The following MYO16 variants were observed in gnomAD, a reference collection of about 807,000 sequenced individuals.
MYO16 encodes the protein myosin XVI, also known as unconventional myosin-XVI.
In MYO16, 94 loss-of-function variants were observed where a neutral mutation model predicts 205.3. The ratio of observed to expected loss-of-function variants is 0.46; its 90% CI spans 0.39 to 0.54. The LOEUF is 0.54. Among genes scored for constraint, MYO16 ranks in the 20% least tolerant of loss-of-function variants. MYO16 has a pLI of 0.00. For missense variants in MYO16, 2,315 were observed against 2,387.5 expected, an observed-to-expected ratio of 0.97 and a Z score of 0.63; for synonymous variants, 988 against 954.0, an observed-to-expected ratio of 1.04 and a Z score of -0.66.
chr13:109,191,197 G>A (rs768679426), intron 34 of MYO16, among the ~76,000 whole-genome samples: 1 of 151,812 alleles, frequency 6.6e-6, no homozygotes, highest in Non-Finnish European at 1.5e-5. Context: ...CCAGCCTGGG[G>A]GACAAGAGCG....
Position 109,021,873 on chromosome 13 carries a change from T to C in MYO16, c.2796+1962T>C, listed in dbSNP as rs77017430. On this transcript the variant is annotated intron_variant, in intron 23 of 34. Coordinates refer to ENST00000457511, the MANE Select transcript of MYO16 (RefSeq NM_001198950.3). ...AATAAAAACAAAAAAGCAGAGGGCC[T>C]GATACAGGAGATATTGGTATCATAG... Among the ~76,000 whole-genome samples, 253 of 151,518 alleles carry C rather than the reference T, an allele frequency of 1.7e-3. 10 individuals carry two copies. In the South Asian group the frequency reaches 0.05, roughly 30 times the overall value.
chr13:108,769,687 C>G (rs1284846506), intron 4 of MYO16, among the ~76,000 whole-genome samples: 1 of 152,100 alleles, frequency 6.6e-6, no homozygotes, highest in Non-Finnish European at 1.5e-5. Flanking sequence ...ATTAGAAAGA[C>G]AGTTGGTGAG....
At chr13:108,499,382 C>T in the MYO16 span, among the ~76,000 whole-genome samples, 1 of 152,156 alleles carries the variant, frequency 6.6e-6, no homozygotes, top group African/African-American at 2.4e-5. Flanking sequence ...AAGTAGATTC[C>T]CTGGCCTGTT....
chr13:108,813,106 T>C lies in MYO16; in HGVS notation c.867+6302T>C, dbSNP rs529521524. Among the ~76,000 whole-genome samples the C allele has an allele frequency of 2.0e-5, 3 of 152,176 alleles. No individual in the cohort carries two copies. In the South Asian group the frequency reaches 6.2e-4, roughly 32 times the overall value. On this transcript the variant is annotated intron_variant, in intron 7 of 34. Coordinates refer to ENST00000457511, the MANE Select transcript of MYO16 (RefSeq NM_001198950.3). Reference sequence around the variant, plus strand: ...CACGGGCAGAGGAGGATTATGAGATTTGCGAATGGAAATAAAAGAGGAGTG... The same window carrying C: ...CACGGGCAGAGGAGGATTATGAGATCTGCGAATGGAAATAAAAGAGGAGTG...
chr13:108,753,383 A>AAAAAAAAAAAAAAAC (rs1885314493), intron 4 of MYO16, among the ~76,000 whole-genome samples: 2 of 147,724 alleles, frequency 1.4e-5, no homozygotes, highest in African/African-American at 2.7e-5. Context: ...AAAAAAAAAA[A>AAAAAAAAAAAAAAAC]AAAAAAAAAA....
chr13:108,784,634 T>A (rs1341406722), intron 4 of MYO16, among the ~76,000 whole-genome samples: 1 of 152,232 alleles, frequency 6.6e-6, no homozygotes, highest in African/African-American at 2.4e-5. Flanking sequence ...ACATAAAATT[T>A]TAAATGTGAA....
chr13:108,892,458 C>A (rs1880218410), intron 14 of MYO16, among the ~76,000 whole-genome samples: 1 of 152,152 alleles, frequency 6.6e-6, no homozygotes, highest in South Asian at 2.1e-4. Context: ...CCAGGCTGGT[C>A]TTGAACTCCT....
At chr13:109,106,917 A>G (rs748792560) in intron 28 of MYO16, among the ~76,000 whole-genome samples, 2 of 152,194 alleles carry the variant, frequency 1.3e-5, no homozygotes, top group East Asian at 3.8e-4. Flanking sequence ...GTTTCTGGAA[A>G]TTGTGGAAGG....
chr13:108,751,501 A>G (rs9555502), intron 4 of MYO16, among the ~76,000 whole-genome samples: 4,634 of 152,312 alleles, frequency 0.03, 214 homozygotes, highest in East Asian at 0.21. Context: ...AGATTTCCAA[A>G]TAAGTATGTA....
intron 1 of MYO16, among the ~76,000 whole-genome samples, chr13:108,603,626 TG>T (rs1878847214): frequency 6.6e-6 from 1 of 152,190 alleles, no homozygotes; most frequent in Non-Finnish European, 1.5e-5. Flanking sequence ...TCTCCTACTC[TG>T]AGTTCATTTG....
rs1161982121 is a variant in MYO16 at position 108,722,358 on chromosome 13, A to G, written c.364-5082A>G. On this transcript the variant is annotated intron_variant, in intron 3 of 34. Coordinates refer to ENST00000457511, the MANE Select transcript of MYO16 (RefSeq NM_001198950.3). ...TAGGGAAGTAGATTTACTACATAAC[A>G]ATATTATAAGAACATTGTAACAGGA... Among the ~76,000 whole-genome samples the G allele has an allele frequency of 2.0e-5, 3 of 152,160 alleles. No homozygotes were observed. The East Asian group carries it at 5.8e-4, about 29-fold the overall frequency.
At chr13:108,597,573 C>G (rs186806773) in intron 1 of MYO16, among the ~76,000 whole-genome samples, 7 of 152,160 alleles carry the variant, frequency 4.6e-5, no homozygotes, top group Admixed American at 3.3e-4. Flanking sequence ...CTTCAAAAAC[C>G]CTTAAGCCTA....
chr13:109,196,315 A>C (rs1180200553), intron 34 of MYO16, among the ~76,000 whole-genome samples: 1 of 152,206 alleles, frequency 6.6e-6, no homozygotes, highest in Non-Finnish European at 1.5e-5. Flanking sequence ...GTTAGTAATC[A>C]CCAGTATCTT....
intron 3 of MYO16, among the ~76,000 whole-genome samples, chr13:108,720,395 T>C (rs1160589309): frequency 6.6e-6 from 1 of 152,252 alleles, no homozygotes; most frequent in Non-Finnish European, 1.5e-5. Context: ...TATAAATTTA[T>C]CTATTTTGTC....
chr13:108,872,861 A>G (rs1349184491), intron 12 of MYO16, among the ~76,000 whole-genome samples: 21 of 152,196 alleles, frequency 1.4e-4, no homozygotes, highest in Admixed American at 1.4e-3. Context: ...TTTATAGGTC[A>G]TGAGAAAAGG....
chr13:108,526,115 T>A, the MYO16 span, among the ~76,000 whole-genome samples: 3 of 152,194 alleles, frequency 2.0e-5, no homozygotes, highest in East Asian at 1.9e-4. Context: ...ACTGGACAGA[T>A]ACTCTATTCT....
intron 16 of MYO16, among the ~76,000 whole-genome samples, chr13:108,917,889 C>G (rs1053954207): frequency 6.6e-6 from 1 of 152,236 alleles, no homozygotes; most frequent in African/African-American, 2.4e-5. Context: ...TGTCATTGAG[C>G]ACTTCTCATA....
intron 10 of MYO16, among the ~76,000 whole-genome samples, chr13:108,855,013 C>G (rs1878093230): frequency 6.6e-6 from 1 of 152,164 alleles, no homozygotes; most frequent in African/African-American, 2.4e-5. Context: ...TCTTCCTTAC[C>G]ATGCCAACAA....
chr13:108,599,713 G>A (rs1027679894), intron 1 of MYO16, among the ~76,000 whole-genome samples: 2 of 152,082 alleles, frequency 1.3e-5, no homozygotes, highest in African/African-American at 2.4e-5. Flanking sequence ...CCAGGGAGCT[G>A]AAAATTTTTA....
Sources: gnomAD v4.1 joint callset for allele counts (sites outside exome capture counted in the v4.1 genomes callset) on GRCh38, gnomAD v4.1.1 for gene constraint, MANE v1.5 for transcripts, NCBI Gene and HGNC (gene_info 2026-07-23, HGNC 2026-07-21) for gene names.